Variants in GALNTL5 observed in about 807,000 individuals in gnomAD.
GALNTL5 encodes polypeptide N-acetylgalactosaminyltransferase like 5, also known as inactive polypeptide N-acetylgalactosaminyltransferase-like protein 5.
Under a neutral mutation model 51.0 loss-of-function variants are expected in GALNTL5, and 44 were observed. The ratio of observed to expected loss-of-function variants is 0.86; its 90% confidence interval spans 0.68 to 1.11. The LOEUF is 1.11. GALNTL5 is among the 50% of genes least tolerant of loss of function. GALNTL5 has a pLI of 0.00. For missense variants in GALNTL5, 528 were observed against 531.8 expected (o/e 0.99, Z 0.07); for synonymous variants, 192 against 182.8 (o/e 1.05, Z -0.41).
At chr7:151,970,820 A>G (rs2081125616) in intron 2 of GALNTL5, 125 bp from the exon 3 acceptor site, 1 of 722,976 alleles carries the variant, frequency 1.4e-6, no homozygotes, top group Admixed American at 3.1e-5. Flanking sequence ...ATTTTTGCAC[A>G]GATCGATTTC....
chr7:151,982,081 C>T (rs1352107173), intron 3 of GALNTL5, among the ~76,000 whole-genome samples: 1 of 152,032 alleles, frequency 6.6e-6, no homozygotes, highest in Non-Finnish European at 1.5e-5. Context: ...CAGAATTCAG[C>T]TTCTATATTT....
chr7:152,011,625 G>T (rs1266284389), intron 7 of GALNTL5, among the ~76,000 whole-genome samples: 1 of 152,188 alleles, frequency 6.6e-6, no homozygotes, highest in Non-Finnish European at 1.5e-5. Context: ...TCCACCCAAG[G>T]TTGCTAAATC....
chr7:151,970,418 A>G (rs1263778347), intron 2 of GALNTL5, among the ~76,000 whole-genome samples: 1 of 152,126 alleles, frequency 6.6e-6, no homozygotes, highest in Non-Finnish European at 1.5e-5. Context: ...TCCATGTCTC[A>G]TGTTGAAATT....
rs756553515 is a variant in GALNTL5 at position 151,982,966 on chromosome 7, CAT to C, written c.369-17_369-16del. ...AGGCATTTAGATGGATGGTTTTCTT[CAT>C]ATTGCTTCTGCCTGCAGGTGTCTTC... On this transcript the variant is annotated intron_variant, in intron 3 of 8. Coordinates refer to ENST00000392800, the MANE Select transcript of GALNTL5 (RefSeq NM_145292.4). The C allele has an allele frequency of 1.9e-6, 3 of 1,613,990 alleles. No individual in the cohort carries two copies. Among genetic ancestry groups the C allele is most frequent in the Non-Finnish European group, 2.5e-6 (3 of 1,179,932 alleles).
intron 3 of GALNTL5, among the ~76,000 whole-genome samples, chr7:151,975,792 T>C (rs10952338): frequency 0.38 from 58,155 of 151,792 alleles, 11,767 homozygotes; most frequent in Middle Eastern, 0.5. Flanking sequence ...TTTTTAATTT[T>C]CATTTTAATG....
At chr7:151,960,150 A>G (rs1426972440) in intron 1 of GALNTL5, 1 of 152,192 alleles carries the variant, frequency 6.6e-6, no homozygotes, top group Non-Finnish European at 1.5e-5. Context: ...GGTGATTACC[A>G]CCCTCAGCCT....
intron 1 of GALNTL5, among the ~76,000 whole-genome samples, chr7:151,961,148 T>C (rs1427713859): frequency 1.3e-5 from 2 of 152,078 alleles, no homozygotes; most frequent in Admixed American, 6.5e-5. Flanking sequence ...GCTATGATCA[T>C]GCCAACTGCA....
intron 8 of GALNTL5, among the ~76,000 whole-genome samples, chr7:152,015,304 A>T (rs1376384629): frequency 6.6e-6 from 1 of 151,606 alleles, no homozygotes; most frequent in East Asian, 1.9e-4. Context: ...ACCTCCAGGG[A>T]ATTGTCCCAC....
intron 8 of GALNTL5, among the ~76,000 whole-genome samples, chr7:152,017,840 ATTC>A: frequency 6.6e-6 from 1 of 151,840 alleles, no homozygotes; most frequent in African/African-American, 2.4e-5. Flanking sequence ...TCAAATGAGA[ATTC>A]TTTTTTTTTT....
At chr7:151,990,281 T>G (rs899895181) in intron 5 of GALNTL5, among the ~76,000 whole-genome samples, 1 of 151,930 alleles carries the variant, frequency 6.6e-6, no homozygotes, top group Non-Finnish European at 1.5e-5. Flanking sequence ...TGGCCTCAAG[T>G]GGTCTACCTG....
At chr7:152,007,800 A>T in intron 6 of GALNTL5, 27 bp from the exon 7 acceptor site, 2 of 1,193,628 alleles carry the variant, frequency 1.7e-6, no homozygotes, top group African/African-American at 1.5e-5. Context: ...CTGTGAAATT[A>T]ATTTCATATT....
rs142888731 is a variant in GALNTL5, at chr7:151,979,069, T to C, written c.369-3917T>C. 3.3e-5 allele frequency among the ~76,000 whole-genome samples: 5 copies of C among 151,898 alleles called. No individual in the cohort carries two copies. The East Asian group carries it at 5.8e-4, about 18-fold the overall frequency. On this transcript the variant is annotated intron_variant, in intron 3 of 8. Transcript: ENST00000392800. ...TTAGCAAATTTATATGATCAGCTAATTGAGGACAACCAAAGGCCATCCAAA... is the reference window on the plus strand; with the variant it reads ...TTAGCAAATTTATATGATCAGCTAACTGAGGACAACCAAAGGCCATCCAAA...
rs1287335001 is a variant in GALNTL5, at chr7:151,967,058, C to G, written c.-39-150C>G. On this transcript the variant is annotated intron_variant, in intron 1 of 8. Coordinates refer to ENST00000392800, the MANE Select transcript of GALNTL5 (RefSeq NM_145292.4). ...GGAATATCAGTTTTAGGAATTTGTG[C>G]TAATAGAAATAAGGACACACTTTAT... The G allele has an allele frequency of 9.3e-6, 5 of 540,418 alleles. No homozygotes were observed. In the Admixed American group the frequency reaches 1.6e-4, roughly 18 times the overall value. The allele number at this position is 540,418 out of a possible 1,614,324, so 33.5% of individuals were successfully genotyped here.
At chr7:151,964,643 C>T (rs2081034520) in intron 1 of GALNTL5, among the ~76,000 whole-genome samples, 1 of 152,116 alleles carries the variant, frequency 6.6e-6, no homozygotes. Context: ...TATAAATTAC[C>T]CAGCCTCGGG....
At chr7:152,018,410 A>C (rs550583461) in intron 8 of GALNTL5, among the ~76,000 whole-genome samples, 2 of 152,296 alleles carry the variant, frequency 1.3e-5, no homozygotes, top group South Asian at 4.1e-4. Context: ...TCATTGTTTA[A>C]AATTGTATTT....
intron 3 of GALNTL5, among the ~76,000 whole-genome samples, chr7:151,976,263 A>G (rs529623102): frequency 1.3e-5 from 2 of 152,286 alleles, no homozygotes; most frequent in East Asian, 1.9e-4. Context: ...TTGGGTGCAG[A>G]TATATTTACA....
chr7:151,992,458 C>T (rs920487017), intron 5 of GALNTL5, among the ~76,000 whole-genome samples: 3 of 152,170 alleles, frequency 2.0e-5, no homozygotes, highest in South Asian at 2.1e-4. Flanking sequence ...GGCTCCTTCC[C>T]TGCCTCTTCA....
At chr7:151,961,750 G>A (rs955980975) in intron 1 of GALNTL5, among the ~76,000 whole-genome samples, 1 of 152,178 alleles carries the variant, frequency 6.6e-6, no homozygotes, top group African/African-American at 2.4e-5. Flanking sequence ...GGGTCCAGGG[G>A]ACAAGTGGCT....
intron 5 of GALNTL5, among the ~76,000 whole-genome samples, chr7:151,996,811 A>C (rs760620374): frequency 2.0e-5 from 3 of 152,128 alleles, no homozygotes; most frequent in Non-Finnish European, 4.4e-5. Flanking sequence ...AAAAGAAAAA[A>C]TATTTTTAAG....
Sources: gnomAD v4.1 joint callset for allele counts (sites outside exome capture counted in the v4.1 genomes callset) on GRCh38, gnomAD v4.1.1 for gene constraint, MANE v1.5 for transcripts, NCBI Gene and HGNC (gene_info 2026-07-23, HGNC 2026-07-21) for gene names.